Variants in PTPRG observed in about 807,000 individuals in gnomAD.
PTPRG encodes the protein receptor-type tyrosine-protein phosphatase gamma.
In PTPRG, 102 loss-of-function variants were observed where a neutral mutation model predicts 165.3. The ratio of observed to expected loss-of-function variants is 0.62; its 90% CI spans 0.53 to 0.73. The LOEUF (loss-of-function observed/expected upper bound fraction) is 0.73, where lower values mean the gene tolerates loss of function less well. Ranked by LOEUF, PTPRG falls within the 30% of genes least tolerant of loss-of-function variation. The pLI is 0.00. For missense variants in PTPRG, 1,866 were observed against 1,861.4 expected, an observed-to-expected ratio of 1.00 and a Z score of -0.05; for synonymous variants, 675 against 669.5, an observed-to-expected ratio of 1.01 and a Z score of -0.13.
At chr3:61,627,906 T>C (rs1232655549) in intron 1 of PTPRG, among the ~76,000 whole-genome samples, 1 of 152,208 alleles carries the variant, frequency 6.6e-6, no homozygotes, top group Non-Finnish European at 1.5e-5. Context: ...TGCAGCTTCA[T>C]TGTAAACCAA....
At chr3:61,753,433 G>T (rs1165712209) in intron 2 of PTPRG, among the ~76,000 whole-genome samples, 1 of 151,960 alleles carries the variant, frequency 6.6e-6, no homozygotes, top group African/African-American at 2.4e-5. Context: ...TGTCTTTCTT[G>T]AGGTGATGGT....
At chr3:61,706,855 C>G (rs1402404484) in intron 1 of PTPRG, among the ~76,000 whole-genome samples, 2 of 152,062 alleles carry the variant, frequency 1.3e-5, no homozygotes, top group African/African-American at 4.8e-5. Context: ...TTTGAAAAAA[C>G]TTAAAAATAC....
intron 10 of PTPRG, among the ~76,000 whole-genome samples, chr3:62,200,962 A>G (rs1700083434): frequency 6.6e-6 from 1 of 152,224 alleles, no homozygotes; most frequent in South Asian, 2.1e-4. Context: ...TAGAGGAGGA[A>G]CAATGGTGTA....
intron 2 of PTPRG, among the ~76,000 whole-genome samples, chr3:61,940,941 GCTT>G (rs1328190543): frequency 6.7e-6 from 1 of 149,428 alleles, no homozygotes; most frequent in Non-Finnish European, 1.5e-5. Flanking sequence ...TGCGTTAGAT[GCTT>G]CTTATATGAT....
chr3:62,028,727 C>G (rs1559755137), intron 4 of PTPRG, among the ~76,000 whole-genome samples: 1 of 152,192 alleles, frequency 6.6e-6, no homozygotes, highest in Non-Finnish European at 1.5e-5. Context: ...ATAGGAGTGT[C>G]TAATGAAACT....
intron 7 of PTPRG, among the ~76,000 whole-genome samples, chr3:62,164,366 C>G (rs1486869402): frequency 6.6e-6 from 1 of 152,184 alleles, no homozygotes; most frequent in Non-Finnish European, 1.5e-5. Flanking sequence ...CAATCCAAGG[C>G]TCCTGGAGGT....
chr3:62,220,049 C>T (rs1412304629), intron 13 of PTPRG, among the ~76,000 whole-genome samples: 8 of 152,272 alleles, frequency 5.3e-5, no homozygotes, highest in African/African-American at 1.7e-4. Flanking sequence ...CAAATGGGCT[C>T]CACCTGGGGC....
At chr3:62,173,910 G>T (rs1705317435) in intron 8 of PTPRG, among the ~76,000 whole-genome samples, 1 of 152,138 alleles carries the variant, frequency 6.6e-6, no homozygotes, top group Non-Finnish European at 1.5e-5. Context: ...AAAGAAGTGG[G>T]GGAAAAGTCA....
At chr3:62,259,752 T>G (rs1249486995) in intron 16 of PTPRG, among the ~76,000 whole-genome samples, 1 of 152,182 alleles carries the variant, frequency 6.6e-6, no homozygotes, top group Non-Finnish European at 1.5e-5. Context: ...GTTAGTTTTC[T>G]AGGGGGCAAA....
intron 1 of PTPRG, among the ~76,000 whole-genome samples, chr3:61,717,001 G>A (rs77382680): frequency 0.018 from 2,692 of 152,064 alleles, 31 homozygotes; most frequent in South Asian, 0.039. Flanking sequence ...AAATTCCCAG[G>A]GACATAGGCT....
chr3:61,698,382 T>C (rs1290109386), intron 1 of PTPRG, among the ~76,000 whole-genome samples: 1 of 152,166 alleles, frequency 6.6e-6, no homozygotes, highest in Non-Finnish European at 1.5e-5. Flanking sequence ...ACTGCCCTTG[T>C]AGCAGGCAAG....
At chr3:61,725,710 CTTT>C (rs10581346) in intron 1 of PTPRG, among the ~76,000 whole-genome samples, 3,167 of 137,256 alleles carry the variant, frequency 0.023, 35 homozygotes, top group South Asian at 0.041. Flanking sequence ...CTACCCCCAC[CTTT>C]TTTTTTTTTT....
intron 2 of PTPRG, among the ~76,000 whole-genome samples, chr3:61,753,232 G>A (rs994368819): frequency 7.9e-5 from 12 of 152,136 alleles, no homozygotes; most frequent in Admixed American, 2.6e-4. Flanking sequence ...CATAATAATA[G>A]CAATGTAATT....
At chr3:61,953,845 A>G (rs1471998856) in intron 2 of PTPRG, among the ~76,000 whole-genome samples, 2 of 66,898 alleles carry the variant, frequency 3.0e-5, no homozygotes, top group African/African-American at 1.4e-4. Context: ...TCCAGAGAAA[A>G]TACAAGGGAG....
chr3:61,605,730 G>C (rs1700986785), intron 1 of PTPRG, among the ~76,000 whole-genome samples: 1 of 152,030 alleles, frequency 6.6e-6, no homozygotes, highest in African/African-American at 2.4e-5. Flanking sequence ...CACCATGCTT[G>C]GCTAAGTTTT....
At chr3:61,731,441 C>G (rs919416652) in intron 1 of PTPRG, among the ~76,000 whole-genome samples, 2 of 151,556 alleles carry the variant, frequency 1.3e-5, no homozygotes, top group African/African-American at 4.9e-5. Flanking sequence ...CTCCGCCTCC[C>G]GGGTTCAAGC....
At chr3:62,187,429 A>G (rs902720237) in intron 8 of PTPRG, among the ~76,000 whole-genome samples, 3 of 152,230 alleles carry the variant, frequency 2.0e-5, no homozygotes, top group Non-Finnish European at 4.4e-5. Context: ...AATGGTTTCT[A>G]TATTTTTAAA....
chr3:62,159,154 A>C (rs1324333381), intron 7 of PTPRG, among the ~76,000 whole-genome samples: 1 of 151,960 alleles, frequency 6.6e-6, no homozygotes, highest in Non-Finnish European at 1.5e-5. Flanking sequence ...GCAAGACCCC[A>C]ATCTCTGCAA....
At chr3:62,102,163 T>C (rs1702310306) in intron 5 of PTPRG, among the ~76,000 whole-genome samples, 1 of 152,212 alleles carries the variant, frequency 6.6e-6, no homozygotes, top group Non-Finnish European at 1.5e-5. Flanking sequence ...TTCTTATCCA[T>C]TTTTGCATCC....
Sources: allele counts gnomAD v4.1 joint callset (sites outside exome capture counted in the v4.1 genomes callset), GRCh38; gene constraint gnomAD v4.1.1; transcripts MANE v1.5; gene names NCBI Gene and HGNC (gene_info 2026-07-23, HGNC 2026-07-21).